The following CCSER1 variants were observed in gnomAD, a reference collection of about 807,000 sequenced individuals.
CCSER1 encodes the protein serine-rich coiled-coil domain-containing protein 1.
CCSER1 carries 41 observed loss-of-function variants against 82.0 expected under a neutral mutation model. That is an observed-to-expected ratio of 0.50 (90% CI 0.39 to 0.65). CCSER1 has a LOEUF of 0.65. Ranked by LOEUF, CCSER1 falls within the 30% of genes least tolerant of loss-of-function variation. CCSER1 has a pLI of 0.00. For missense variants in CCSER1, 1,119 were observed against 1,064.2 expected, an observed-to-expected ratio of 1.05 and a Z score of -0.72; for synonymous variants, 414 against 383.9, an observed-to-expected ratio of 1.08 and a Z score of -0.92.
At chr4:90,358,994 A>T (rs553872490) in intron 3 of CCSER1, among the ~76,000 whole-genome samples, 1 of 152,348 alleles carries the variant, frequency 6.6e-6, no homozygotes, top group East Asian at 1.9e-4. Context: ...TACTTTTAAA[A>T]ATGTGATGAC....
intron 10 of CCSER1, among the ~76,000 whole-genome samples, chr4:91,406,036 A>T (rs1013185574): frequency 1.3e-5 from 2 of 152,220 alleles, no homozygotes; most frequent in Non-Finnish European, 2.9e-5. Flanking sequence ...TCTTATCCAT[A>T]CAACAAACCT....
intron 5 of CCSER1, among the ~76,000 whole-genome samples, chr4:90,564,060 C>T (rs965593491): frequency 1.3e-5 from 2 of 152,124 alleles, no homozygotes; most frequent in Admixed American, 6.5e-5. Context: ...TTCTCACATA[C>T]CTATTGATTT....
At chr4:90,280,816 G>C (rs1190356707) in intron 1 of CCSER1, among the ~76,000 whole-genome samples, 1 of 151,644 alleles carries the variant, frequency 6.6e-6, no homozygotes, top group Admixed American at 6.6e-5. Flanking sequence ...TATCACATTG[G>C]TTAAAGAACC....
At chr4:90,298,472 G>GT (rs1261841403) in intron 1 of CCSER1, among the ~76,000 whole-genome samples, 13 of 150,594 alleles carry the variant, frequency 8.6e-5, no homozygotes, top group African/African-American at 2.7e-4. Context: ...TTTTTGAAGG[G>GT]TTTTTTGTGT....
chr4:90,829,357 A>G (rs1240142714), intron 8 of CCSER1, among the ~76,000 whole-genome samples: 1 of 152,184 alleles, frequency 6.6e-6, no homozygotes, highest in African/African-American at 2.4e-5. Flanking sequence ...AATTCATAAT[A>G]GAAAATAGCT....
intron 1 of CCSER1, among the ~76,000 whole-genome samples, chr4:90,252,587 G>A (rs1722595974): frequency 6.6e-6 from 1 of 151,548 alleles, no homozygotes; most frequent in Admixed American, 6.6e-5. Context: ...CATGGAAAAT[G>A]GTACATCTAT....
chr4:91,493,197 T>C (rs768769554), intron 10 of CCSER1, among the ~76,000 whole-genome samples: 2 of 151,928 alleles, frequency 1.3e-5, no homozygotes, highest in Non-Finnish European at 2.9e-5. Context: ...TATATCCTTA[T>C]ATCATTTATG....
intron 10 of CCSER1, among the ~76,000 whole-genome samples, chr4:91,453,407 G>A (rs1358950031): frequency 6.6e-6 from 1 of 151,946 alleles, no homozygotes; most frequent in Non-Finnish European, 1.5e-5. Context: ...GCCACAGAGG[G>A]TCTCTCAAGA....
At chr4:90,239,337 C>T (rs894970486) in intron 1 of CCSER1, among the ~76,000 whole-genome samples, 25 of 152,140 alleles carry the variant, frequency 1.6e-4, no homozygotes, top group African/African-American at 6.0e-4. Flanking sequence ...ACATATACTG[C>T]ACTTTATGCA....
chr4:90,476,061 GGT>G (rs1398360604), intron 5 of CCSER1, among the ~76,000 whole-genome samples: 1 of 149,630 alleles, frequency 6.7e-6, no homozygotes, highest in Non-Finnish European at 1.5e-5. Flanking sequence ...TGTGTGTGTG[GGT>G]GTGTGTGTAT....
chr4:90,312,738 A>G (rs1349056994), intron 2 of CCSER1, 125 bp from the exon 3 acceptor site: 19 of 747,332 alleles, frequency 2.5e-5, no homozygotes, highest in Non-Finnish European at 4.1e-5. Flanking sequence ...TATACATTTA[A>G]AAGTTTTCTT....
chr4:90,349,577 C>T (rs954564690), intron 3 of CCSER1, among the ~76,000 whole-genome samples: 2 of 152,034 alleles, frequency 1.3e-5, no homozygotes, highest in African/African-American at 4.8e-5. Flanking sequence ...GTTTCTTCCT[C>T]TGTAATCTTC....
At chr4:91,384,194 G>A (rs1213478512) in intron 10 of CCSER1, among the ~76,000 whole-genome samples, 1 of 152,056 alleles carries the variant, frequency 6.6e-6, no homozygotes, top group Non-Finnish European at 1.5e-5. Context: ...TGATATTCAA[G>A]TGGATCTTTA....
At chr4:90,205,602 T>C (rs1738648476) in intron 1 of CCSER1, among the ~76,000 whole-genome samples, 1 of 152,182 alleles carries the variant, frequency 6.6e-6, no homozygotes, top group South Asian at 2.1e-4. Context: ...AGTTTGCCAA[T>C]ATTTTATTGA....
At chr4:91,267,820 T>A (rs1741718842) in intron 10 of CCSER1, among the ~76,000 whole-genome samples, 1 of 152,176 alleles carries the variant, frequency 6.6e-6, no homozygotes, top group South Asian at 2.1e-4. Context: ...GGAAACACAG[T>A]AAGTTGTGAT....
At chr4:90,656,326 T>G (rs1729695671) in intron 6 of CCSER1, among the ~76,000 whole-genome samples, 3 of 151,772 alleles carry the variant, frequency 2.0e-5, no homozygotes, top group Admixed American at 6.6e-5. Flanking sequence ...ATTTTTCTAT[T>G]TATCTCTTTT....
intron 10 of CCSER1, among the ~76,000 whole-genome samples, chr4:91,355,042 C>T (rs1485764337): frequency 1.3e-5 from 2 of 152,014 alleles, no homozygotes; most frequent in Non-Finnish European, 2.9e-5. Flanking sequence ...TTTGTGATTA[C>T]TAATTTTAAA....
chr4:91,037,473 C>G (rs1403606694), intron 9 of CCSER1, among the ~76,000 whole-genome samples: 1 of 152,170 alleles, frequency 6.6e-6, no homozygotes, highest in Non-Finnish European at 1.5e-5. Flanking sequence ...GAGGACAAAG[C>G]AATCTATTTT....
At chr4:91,109,247 C>G (rs546124479) in intron 10 of CCSER1, among the ~76,000 whole-genome samples, 1 of 152,062 alleles carries the variant, frequency 6.6e-6, no homozygotes, top group Non-Finnish European at 1.5e-5. Context: ...TTCTCAAGCT[C>G]GATGATTTCT....
Sources: gnomAD v4.1 joint callset for allele counts (sites outside exome capture counted in the v4.1 genomes callset) on GRCh38, gnomAD v4.1.1 for gene constraint, MANE v1.5 for transcripts, NCBI Gene and HGNC (gene_info 2026-07-23, HGNC 2026-07-21) for gene names.